Variants in EPHX2 observed in about 807,000 individuals in gnomAD.
The protein encoded by EPHX2 is bifunctional epoxide hydrolase 2.
Under a neutral mutation model 78.7 loss-of-function variants are expected in EPHX2, and 74 were observed. The observed-to-expected ratio is 0.94, with a 90% CI of 0.78 to 1.14. EPHX2 has a LOEUF of 1.14. Among genes scored for constraint, EPHX2 ranks in the 50% most tolerant of loss-of-function variants. The pLI, the probability that EPHX2 is intolerant of heterozygous loss-of-function variation, is 0.00. For missense variants in EPHX2, 715 were observed against 702.5 expected, an observed-to-expected ratio of 1.02 and a Z score of -0.20; for synonymous variants, 251 against 255.2, an observed-to-expected ratio of 0.98 and a Z score of 0.16.
intron 1 of EPHX2, among the ~76,000 whole-genome samples, chr8:27,498,078 T>A (rs532652820): frequency 6.6e-6 from 1 of 152,180 alleles, no homozygotes; most frequent in Non-Finnish European, 1.5e-5. Flanking sequence ...CTAAGTGAGG[T>A]CGAAGGTTTG....
intron 4 of EPHX2, among the ~76,000 whole-genome samples, chr8:27,505,443 C>A (rs577278091): frequency 1.3e-5 from 2 of 152,120 alleles, no homozygotes; most frequent in Non-Finnish European, 2.9e-5. Flanking sequence ...AAATGGAGAT[C>A]CTGGGAGACT....
chr8:27,513,567 G>A (rs966644540), intron 6 of EPHX2, among the ~76,000 whole-genome samples: 5 of 152,162 alleles, frequency 3.3e-5, no homozygotes, highest in African/African-American at 7.2e-5. Context: ...TCCCAGCTGC[G>A]CCAGGCTCTC....
At chr8:27,547,788 T>C (rs995763767), downstream of EPHX2, among the ~76,000 whole-genome samples, 1 of 152,228 alleles carries the variant, frequency 6.6e-6, no homozygotes, top group African/African-American at 2.4e-5. Context: ...CTTCTGCATG[T>C]GAGTGAGAAC....
chr8:27,529,249 G>A (rs1489591867), intron 12 of EPHX2, among the ~76,000 whole-genome samples: 1 of 152,192 alleles, frequency 6.6e-6, no homozygotes, highest in African/African-American at 2.4e-5. Context: ...AACAAGGCTT[G>A]CTTTTCTTGC....
chr8:27,538,816 C>T (rs757146858), intron 14 of EPHX2, 124 bp downstream of exon 14: 3 of 1,109,762 alleles, frequency 2.7e-6, no homozygotes, highest in Non-Finnish European at 4.1e-6. Context: ...GTTGCCCAAC[C>T]AGGGTCCCCT....
At chr8:27,491,931 TTCTC>T (rs779218476) in intron 1 of EPHX2, among the ~76,000 whole-genome samples, 19 of 151,486 alleles carry the variant, frequency 1.3e-4, no homozygotes, top group African/African-American at 1.7e-4. Flanking sequence ...ATGATTTTCT[TTCTC>T]TCTCTCTTTT....
intron 1 of EPHX2, among the ~76,000 whole-genome samples, chr8:27,497,675 G>A (rs1162518384): frequency 1.3e-5 from 2 of 152,140 alleles, no homozygotes; most frequent in East Asian, 3.9e-4. Flanking sequence ...GACCCTCGAG[G>A]GAGTCAGGTG....
intron 8 of EPHX2, among the ~76,000 whole-genome samples, chr8:27,517,153 A>G (rs796991367): frequency 7.2e-5 from 11 of 152,056 alleles, no homozygotes; most frequent in African/African-American, 2.7e-4. Flanking sequence ...GTAACTTTTC[A>G]TGAATTATTT....
At position 27,516,374 on chromosome 8, in the gene EPHX2, T is replaced by A; in HGVS notation, c.886T>A (p.Tyr296Asn). The A allele has an allele frequency of 6.2e-7, 1 of 1,614,078 alleles. No homozygotes were observed. Among genetic ancestry groups the A allele is most frequent in the Non-Finnish European group, 8.5e-7 (1 of 1,179,976 alleles). ...GGTCCTAGCTATGGACATGAAAGGC[T>A]ATGGAGAGTCATCTGCTCCTCCCGG... ...YRVLAMDMKG[Y>N]GESSAPPEIE... The change falls in exon 8 of 19, where the codon TAT (tyrosine) becomes AAT (asparagine). Residue 296 changes from tyrosine (Y) to asparagine (N), a missense_variant. Physicochemically the swap from Tyr to Asn is moderately radical, Grantham distance 143. Transcript: ENST00000521400.
chr8:27,535,404 A>G (rs1815179787), intron 12 of EPHX2, among the ~76,000 whole-genome samples: 1 of 151,912 alleles, frequency 6.6e-6, no homozygotes, highest in Non-Finnish European at 1.5e-5. Context: ...CAAACTCCTG[A>G]CCTCAGGTGA....
At chr8:27,511,761 G>A in intron 5 of EPHX2, 75 bp from the exon 6 acceptor site, 1 of 1,479,000 alleles carries the variant, frequency 6.8e-7, no homozygotes, top group Non-Finnish European at 9.5e-7. Flanking sequence ...GCCTCCCCTG[G>A]CACCAGTATT....
At chr8:27,499,552 G>A (rs1813691606) in intron 1 of EPHX2, among the ~76,000 whole-genome samples, 1 of 152,124 alleles carries the variant, frequency 6.6e-6, no homozygotes, top group Admixed American at 6.5e-5. Flanking sequence ...ACTCAGGGCT[G>A]GTAATTTTAA....
chr8:27,542,284 C>T (rs1815426900), intron 16 of EPHX2, among the ~76,000 whole-genome samples: 1 of 152,160 alleles, frequency 6.6e-6, no homozygotes, highest in Non-Finnish European at 1.5e-5. Flanking sequence ...GAGTATATAA[C>T]ATCGTGGTTA....
intron 12 of EPHX2, among the ~76,000 whole-genome samples, chr8:27,531,683 G>C (rs1239389093): frequency 5.3e-5 from 8 of 152,204 alleles, no homozygotes. Context: ...CTGAGTGGGG[G>C]CTTCGTGGAC....
intron 5 of EPHX2, 119 bp downstream of exon 5, chr8:27,507,113 C>T (rs920445207): frequency 2.5e-5 from 34 of 1,334,550 alleles, no homozygotes; most frequent in South Asian, 8.9e-5. Context: ...TCCTGGGCAC[C>T]GCTGGTTGGG....
At chr8:27,518,209 C>CA (rs1814528642) in intron 9 of EPHX2, 137 bp downstream of exon 9, 2 of 688,964 alleles carry the variant, frequency 2.9e-6, no homozygotes, top group Non-Finnish European at 4.9e-6. Context: ...GAAAGTTGAA[C>CA]AGTATTTCCA....
intron 1 of EPHX2, among the ~76,000 whole-genome samples, chr8:27,494,677 G>A (rs1298031274): frequency 6.6e-6 from 1 of 152,204 alleles, no homozygotes; most frequent in Non-Finnish European, 1.5e-5. Context: ...TATTCCTTTG[G>A]CACACCTCAC....
rs1279341152 is a variant in EPHX2 at position 27,515,654 on chromosome 8, T to C, written c.736-64T>C. ...AACGGCCCTGGCATTCTGCAGACGC[T>C]GTGGGGCCTGGGTCCACTGGGCCTG... On this transcript the variant is annotated intron_variant, in intron 6 of 18. Transcript: ENST00000521400. 2.2e-6 allele frequency: 3 copies of C among 1,387,992 alleles called. No individual in the cohort carries two copies. The African/African-American group carries it at 4.2e-5, about 20-fold the overall frequency. 86.0% of individuals were successfully genotyped at this position (1,387,992 alleles called of 1,614,324 possible).
chr8:27,525,068 C>CTCTGTG (rs1814775779), intron 11 of EPHX2, among the ~76,000 whole-genome samples: 1 of 131,146 alleles, frequency 7.6e-6, no homozygotes. Flanking sequence ...AGTATGTGTA[C>CTCTGTG]TGTGTGTGTG....
Sources: gnomAD v4.1 joint callset for allele counts (sites outside exome capture counted in the v4.1 genomes callset) on GRCh38, gnomAD v4.1.1 for gene constraint, MANE v1.5 for transcripts, NCBI Gene and HGNC (gene_info 2026-07-23, HGNC 2026-07-21) for gene names.